CDIN1: variants seen among roughly 807,000 people sequenced by gnomAD.
The protein encoded by CDIN1 is CDAN1 interacting nuclease 1.
A neutral mutation model predicts 45.3 loss-of-function variants in CDIN1; 33 were observed. The ratio of observed to expected loss-of-function variants is 0.73; its 90% CI spans 0.55 to 0.97. The LOEUF is 0.97. Among genes scored for constraint, CDIN1 ranks in the 50% least tolerant of loss-of-function variants. The pLI, the probability that CDIN1 is intolerant of heterozygous loss-of-function variation, is 0.00. For missense variants in CDIN1, 303 were observed against 339.4 expected (o/e 0.89, Z 0.84); for synonymous variants, 118 against 124.4 (o/e 0.95, Z 0.34).
At chr15:36,586,031 CAT>C (rs1163122010) in intron 1 of CDIN1, among the ~76,000 whole-genome samples, 2 of 152,146 alleles carry the variant, frequency 1.3e-5, no homozygotes, top group Non-Finnish European at 2.9e-5. Context: ...AACCCATACT[CAT>C]AAACTCTGTT....
chr15:36,727,498 G>A (rs1187232597), intron 10 of CDIN1, among the ~76,000 whole-genome samples: 2 of 152,124 alleles, frequency 1.3e-5, no homozygotes, highest in Non-Finnish European at 2.9e-5. Flanking sequence ...AATGTTGTCT[G>A]GCCAAATGCA....
intron 10 of CDIN1, among the ~76,000 whole-genome samples, chr15:36,802,735 A>G (rs733238): frequency 1.3e-5 from 2 of 151,774 alleles, no homozygotes; most frequent in African/African-American, 4.8e-5. Context: ...TTCTGTCTGA[A>G]CCACTGAGTT....
chr15:36,717,748 G>A (rs2043264488), intron 10 of CDIN1, among the ~76,000 whole-genome samples: 1 of 152,102 alleles, frequency 6.6e-6, no homozygotes, highest in Admixed American at 6.6e-5. Context: ...TTTACAAAAT[G>A]ACTAAACTCT....
chr15:36,800,879 ATGTG>A lies in CDIN1; in HGVS notation c.717-7417_717-7414del, dbSNP rs1163549097. Reference sequence around the variant, plus strand: ...TACATATGTGTGTGTGTGTGTATATATGTGTGTGTGTGTGTGTGTGTGTGTGTGT... The same window carrying A: ...TACATATGTGTGTGTGTGTGTATATATGTGTGTGTGTGTGTGTGTGTGTGT... On this transcript the variant is annotated intron_variant, in intron 10 of 10. Coordinates refer to ENST00000566621, the MANE Select transcript of CDIN1 (RefSeq NM_001321759.2). 2.5e-3 allele frequency among the ~76,000 whole-genome samples: 209 copies of A among 82,386 alleles called. 8 individuals are homozygous for A. The highest frequency in any genetic ancestry group is 6.2e-3 in the African/African-American group (152 of 24,468). 54.0% of individuals were successfully genotyped at this position (82,386 alleles called of 152,430 possible).
In CDIN1 at chr15:36,691,682, C is replaced by T. The variant is rs1373193134; in HGVS notation, c.347-3C>T. 4 of 1,584,136 alleles carry T rather than the reference C, an allele frequency of 2.5e-6. No homozygotes were observed. Among genetic ancestry groups the T allele is most frequent in the Non-Finnish European group, 3.4e-6 (4 of 1,160,098 alleles). ...CTAACAGTTCATCTCTTTTCTTCTA[C>T]AGCCTCCAAGTCTATTATAAATAGT... On this transcript the variant is annotated splice_region_variant and splice_polypyrimidine_tract_variant and intron_variant, in intron 5 of 10. Coordinates refer to ENST00000566621, the MANE Select transcript of CDIN1 (RefSeq NM_001321759.2).
intron 10 of CDIN1, among the ~76,000 whole-genome samples, chr15:36,762,683 A>G (rs560056680): frequency 6.8e-6 from 1 of 147,250 alleles, no homozygotes; most frequent in Admixed American, 6.9e-5. Context: ...GTGATGTTGC[A>G]CTTTCTGGTC....
intron 5 of CDIN1, among the ~76,000 whole-genome samples, chr15:36,666,722 C>G (rs2041263968): frequency 6.6e-6 from 1 of 152,154 alleles, no homozygotes; most frequent in Middle Eastern, 3.2e-3. Context: ...TAGCTCATTT[C>G]TTGGTTCCCA....
chr15:36,745,245 C>CAA (rs1438281050), intron 10 of CDIN1, among the ~76,000 whole-genome samples: 2 of 152,044 alleles, frequency 1.3e-5, no homozygotes, highest in South Asian at 2.1e-4. Context: ...GTTATCAGCC[C>CAA]AGGACCCTAT....
chr15:36,759,608 T>C (rs1287728251), intron 10 of CDIN1, among the ~76,000 whole-genome samples: 1 of 152,188 alleles, frequency 6.6e-6, no homozygotes. Context: ...TTCATTTACA[T>C]TGACACTATT....
rs73383667 is a variant in CDIN1 at position 36,759,993 on chromosome 15, G to A, written c.717-48331G>A. Among the ~76,000 whole-genome samples, 778 of 152,238 alleles carry A rather than the reference G, an allele frequency of 5.1e-3. 7 individuals are homozygous for A. Among genetic ancestry groups the A allele is most frequent in the African/African-American group, 0.018 (735 of 41,538 alleles). On this transcript the variant is annotated intron_variant, in intron 10 of 10. Transcript: ENST00000566621. The stretch of plus-strand genomic sequence containing the variant: ...CAATTCAACATGAGATTTGGGTGGG[G>A]ACATACAGCCAAATCATATCAGGCA...
intron 8 of CDIN1, chr15:36,708,318 T>G (rs2091553307): frequency 6.6e-6 from 1 of 152,088 alleles, no homozygotes; most frequent in African/African-American, 2.4e-5. Context: ...GGCCATTAGT[T>G]GAGGTTGGGT....
rs562926148 is a variant in CDIN1, at chr15:36,657,766, A to G, written c.274-67A>G. 3.1e-5 allele frequency: 39 copies of G among 1,269,780 alleles called. No homozygotes were observed. The East Asian group carries it at 9.6e-4, about 31-fold the overall frequency. The allele number at this position is 1,269,780 out of a possible 1,614,324, so 78.7% of individuals were successfully genotyped here. On this transcript the variant is annotated intron_variant, in intron 4 of 10. Coordinates refer to ENST00000566621, the MANE Select transcript of CDIN1 (RefSeq NM_001321759.2). ...AATTGACTTATTCTTCAGTGTTGAC[A>G]AAATACTGGAGTATCCACTGCTCGC...
intron 1 of CDIN1, among the ~76,000 whole-genome samples, chr15:36,625,398 A>G (rs998749005): frequency 6.6e-6 from 1 of 152,184 alleles, no homozygotes; most frequent in Non-Finnish European, 1.5e-5. Flanking sequence ...TAACCTCTAG[A>G]TGTTCATTCA....
intron 10 of CDIN1, among the ~76,000 whole-genome samples, chr15:36,718,484 G>T (rs532548585): frequency 1.3e-5 from 2 of 152,068 alleles, no homozygotes; most frequent in Non-Finnish European, 2.9e-5. Context: ...TCTGATCCAT[G>T]AACCTGACAT....
At chr15:36,628,878 T>C (rs1203294724) in intron 1 of CDIN1, among the ~76,000 whole-genome samples, 1 of 152,170 alleles carries the variant, frequency 6.6e-6, no homozygotes, top group Non-Finnish European at 1.5e-5. Context: ...GGATGGGCCC[T>C]AAATGGAATT....
At chr15:36,797,587 G>T (rs1388073155) in intron 10 of CDIN1, among the ~76,000 whole-genome samples, 1 of 152,146 alleles carries the variant, frequency 6.6e-6, no homozygotes, top group African/African-American at 2.4e-5. Flanking sequence ...ATCCTAGACA[G>T]AATAGATTCC....
chr15:36,688,856 A>G (rs193187325), intron 5 of CDIN1, among the ~76,000 whole-genome samples: 276 of 152,320 alleles, frequency 1.8e-3, no homozygotes, highest in African/African-American at 6.0e-3. Flanking sequence ...TGAGACACCA[A>G]CATACTTTCA....
chr15:36,683,292 A>T (rs2041920760), intron 5 of CDIN1, among the ~76,000 whole-genome samples: 1 of 141,556 alleles, frequency 7.1e-6, no homozygotes, highest in South Asian at 2.4e-4. Flanking sequence ...AGCTTTCTAC[A>T]TATGGCTAGC....
chr15:36,775,072 T>C (rs1380901038), intron 10 of CDIN1, among the ~76,000 whole-genome samples: 1 of 152,240 alleles, frequency 6.6e-6, no homozygotes, highest in Non-Finnish European at 1.5e-5. Flanking sequence ...AACTATCTAA[T>C]AGGTGACACA....
Sources: allele counts gnomAD v4.1 joint callset (sites outside exome capture counted in the v4.1 genomes callset), GRCh38; gene constraint gnomAD v4.1.1; transcripts MANE v1.5; gene names NCBI Gene and HGNC (gene_info 2026-07-23, HGNC 2026-07-21).